PCMT1: variants seen among roughly 807,000 people sequenced by gnomAD.
PCMT1 encodes protein-L-isoaspartate(D-aspartate) O-methyltransferase.
A neutral mutation model predicts 29.2 loss-of-function variants in PCMT1; 9 were observed. The observed-to-expected ratio is 0.31, with a 90% confidence interval of 0.19 to 0.54. PCMT1 has a LOEUF of 0.54. Among genes scored for constraint, PCMT1 ranks in the 20% least tolerant of loss-of-function variants. PCMT1 has a pLI of 0.95. For synonymous variants in PCMT1, 98 were observed against 97.5 expected (o/e 1.00, Z -0.03); for missense variants, 184 against 282.2 (o/e 0.65, Z 2.49).
At chr6:149,794,630 A>C (rs1300124099) in intron 5 of PCMT1, 1 of 259,910 alleles carries the variant, frequency 3.8e-6, no homozygotes, top group African/African-American at 2.4e-5. Context: ...AAAACAAATA[A>C]AATAAAATAA....
intron 1 of PCMT1, among the ~76,000 whole-genome samples, chr6:149,769,770 ATTTTTTTT>A (rs34274281): frequency 3.0e-5 from 3 of 99,714 alleles, no homozygotes; most frequent in African/African-American, 4.6e-5. Flanking sequence ...AGCTAATTAA[ATTTTTTTT>A]TTTTTTTTTT....
chr6:149,794,043 A>G (rs1226322296), intron 5 of PCMT1, among the ~76,000 whole-genome samples: 1 of 152,114 alleles, frequency 6.6e-6, no homozygotes, highest in Non-Finnish European at 1.5e-5. Context: ...GTGCCTTTTC[A>G]TCTTATTGGT....
At chr6:149,773,208 A>T (rs78000187) in intron 3 of PCMT1, 39 bp downstream of exon 3, 2 of 1,464,656 alleles carry the variant, frequency 1.4e-6, no homozygotes, top group Non-Finnish European at 1.9e-6. Context: ...AATGGATTAC[A>T]TTTTTCTCTA....
rs1438292904 is a variant in PCMT1, at chr6:149,789,719, ATTAAAAG to A, written c.193-228_193-222del. Among the ~76,000 whole-genome samples the A allele has an allele frequency of 3.0e-5, 3 of 100,428 alleles. No homozygotes were observed. In the Admixed American group the frequency reaches 3.3e-4, roughly 11 times the overall value. 65.9% of individuals were successfully genotyped at this position (100,428 alleles called of 152,430 possible). A position where few individuals can be genotyped will look rare whatever the true frequency, so the allele number is the denominator to read the frequency against. Reference sequence around the variant, plus strand: ...ATCTTTTAATTTTTTTACTGAATTAATTAAAAGTTAAAAATTCACACACTGGAGGTCT... The same window carrying A: ...ATCTTTTAATTTTTTTACTGAATTAATTAAAAATTCACACACTGGAGGTCT... On this transcript the variant is annotated intron_variant, in intron 3 of 7. Coordinates refer to ENST00000464889, the MANE Select transcript of PCMT1 (RefSeq NM_001360452.2).
At chr6:149,776,585 T>A (rs528335246) in intron 3 of PCMT1, among the ~76,000 whole-genome samples, 102 of 151,992 alleles carry the variant, frequency 6.7e-4, no homozygotes, top group Middle Eastern at 3.4e-3. Flanking sequence ...CCATTAAAAT[T>A]TTTTTTTGTA....
intron 3 of PCMT1, among the ~76,000 whole-genome samples, chr6:149,779,431 T>A (rs1326144547): frequency 6.6e-6 from 1 of 152,154 alleles, no homozygotes; most frequent in Non-Finnish European, 1.5e-5. Context: ...ATCACCTTAA[T>A]AATTAGACAC....
At chr6:149,809,757 A>G (rs189743693) in intron 7 of PCMT1, among the ~76,000 whole-genome samples, 12 of 152,248 alleles carry the variant, frequency 7.9e-5, no homozygotes, top group Admixed American at 6.5e-4. Flanking sequence ...AGAGTCATCA[A>G]TTATTATCAT....
intron 1 of PCMT1, among the ~76,000 whole-genome samples, chr6:149,758,210 T>TTC (rs1376608390): frequency 6.9e-5 from 8 of 116,410 alleles, no homozygotes; most frequent in East Asian, 6.9e-4. Flanking sequence ...CTTTCTTTCT[T>TTC]TTTTTTTTTT....
intron 4 of PCMT1, among the ~76,000 whole-genome samples, chr6:149,790,789 A>G (rs1255445387): frequency 6.6e-6 from 1 of 152,122 alleles, no homozygotes; most frequent in Non-Finnish European, 1.5e-5. Flanking sequence ...CAGGCAGATC[A>G]CATGAGGCCA....
intron 4 of PCMT1, among the ~76,000 whole-genome samples, chr6:149,791,091 A>G (rs1296558353): frequency 6.6e-6 from 1 of 152,104 alleles, no homozygotes; most frequent in Non-Finnish European, 1.5e-5. Flanking sequence ...ACTTCCTTGT[A>G]CAGGCCTCAG....
chr6:149,798,243 T>A (rs1374172595), intron 6 of PCMT1: 1 of 150,658 alleles, frequency 6.6e-6, no homozygotes, highest in African/African-American at 2.4e-5. Context: ...ATGTAGAAAA[T>A]TTTACAAGTC....
At chr6:149,764,866 C>G (rs542564413) in intron 1 of PCMT1, among the ~76,000 whole-genome samples, 1 of 151,322 alleles carries the variant, frequency 6.6e-6, no homozygotes, top group East Asian at 1.9e-4. Context: ...ACAGTGAAAC[C>G]CCGTCTCTAC....
intron 1 of PCMT1, among the ~76,000 whole-genome samples, chr6:149,760,009 T>C (rs1210745607): frequency 6.6e-6 from 1 of 152,202 alleles, no homozygotes; most frequent in Admixed American, 6.5e-5. Flanking sequence ...CCCAGGTTCG[T>C]AGTTGAAACT....
chr6:149,773,135 C>T lies in PCMT1; in HGVS notation c.161-3C>T, dbSNP rs1434237142. 2 of 1,608,312 alleles carry T rather than the reference C, an allele frequency of 1.2e-6. No individual in the cohort carries two copies. The highest frequency in any genetic ancestry group is 1.3e-5 in the African/African-American group (1 of 74,794). On this transcript the variant is annotated splice_region_variant and splice_polypyrimidine_tract_variant and intron_variant, in intron 2 of 7. Coordinates refer to ENST00000464889, the MANE Select transcript of PCMT1 (RefSeq NM_001360452.2). ...TATCAGTAGTTCTCTTCTTCTTTTG[C>T]AGGTTTCCAAGCAACAATCAGTGCT... is the stretch of plus-strand genomic sequence containing the variant.
At chr6:149,775,415 A>G (rs1359783276) in intron 3 of PCMT1, among the ~76,000 whole-genome samples, 5 of 152,156 alleles carry the variant, frequency 3.3e-5, no homozygotes, top group African/African-American at 1.2e-4. Context: ...ATTAAAGAGG[A>G]AAAATTGGCT....
At chr6:149,777,250 A>T (rs999310002) in intron 3 of PCMT1, among the ~76,000 whole-genome samples, 1 of 152,234 alleles carries the variant, frequency 6.6e-6, no homozygotes, top group Non-Finnish European at 1.5e-5. Context: ...ACTAACACAA[A>T]GTCTGTTTTA....
chr6:149,789,650 G>A (rs2115308240), intron 3 of PCMT1, among the ~76,000 whole-genome samples: 1 of 152,234 alleles, frequency 6.6e-6, no homozygotes, highest in African/African-American at 2.4e-5. Context: ...AGTGAAACCT[G>A]GATGGTTGGA....
At chr6:149,750,456 TTCCCC>T (rs1223336393) in intron 1 of PCMT1, among the ~76,000 whole-genome samples, 1 of 152,198 alleles carries the variant, frequency 6.6e-6, no homozygotes, top group Non-Finnish European at 1.5e-5. Flanking sequence ...CCTCCGTTTT[TTCCCC>T]TGGAGGGAGA....
At chr6:149,762,999 G>GAT (rs1247905936) in intron 1 of PCMT1, among the ~76,000 whole-genome samples, 2 of 54,066 alleles carry the variant, frequency 3.7e-5, no homozygotes, top group Non-Finnish European at 5.1e-5. Context: ...TGATATATAT[G>GAT]ATATATATAT....
Sources: allele counts gnomAD v4.1 joint callset (sites outside exome capture counted in the v4.1 genomes callset), GRCh38; gene constraint gnomAD v4.1.1; transcripts MANE v1.5; gene names NCBI Gene and HGNC (gene_info 2026-07-23, HGNC 2026-07-21).